Variants in RANBP2 observed in about 807,000 individuals in gnomAD.
RANBP2 encodes the protein E3 SUMO-protein ligase RanBP2.
In RANBP2, 57 loss-of-function variants were observed where a neutral mutation model predicts 303.6. The observed-to-expected ratio is 0.19, with a 90% confidence interval of 0.15 to 0.23. RANBP2 has a LOEUF of 0.23. RANBP2 is among the 10% of genes least tolerant of loss of function. The probability of loss-of-function intolerance (pLI) is 1.00; values close to 1 mark genes in which losing one functional copy is unlikely to be tolerated. For missense variants in RANBP2, 3,138 were observed against 3,780.8 expected (o/e 0.83, Z 4.46); for synonymous variants, 1,167 against 1,301.5 (o/e 0.90, Z 2.23).
the RANBP2 span, among the ~76,000 whole-genome samples, chr2:108,924,220 C>A: frequency 2.6e-5 from 4 of 152,234 alleles, no homozygotes; most frequent in African/African-American, 9.6e-5. Context: ...TGTCACAGTG[C>A]CAGCCCCGTG....
At chr2:109,098,132 T>A in the RANBP2 span, among the ~76,000 whole-genome samples, 46 of 152,302 alleles carry the variant, frequency 3.0e-4, no homozygotes, top group Non-Finnish European at 6.0e-4. Flanking sequence ...AGCACCCAAG[T>A]GGAAGGAGGT....
At chr2:108,927,716 T>C in the RANBP2 span, among the ~76,000 whole-genome samples, 2 of 152,030 alleles carry the variant, frequency 1.3e-5, no homozygotes, top group South Asian at 4.1e-4. Context: ...TGCCTGGAGG[T>C]TCAGGCCATC....
chr2:109,207,963 C>A, the RANBP2 span, among the ~76,000 whole-genome samples: 73 of 152,334 alleles, frequency 4.8e-4, no homozygotes, highest in Admixed American at 2.1e-3. Flanking sequence ...TACTCTTACA[C>A]AGTTGAGCAT....
the RANBP2 span, among the ~76,000 whole-genome samples, chr2:109,099,644 T>C: frequency 2.6e-5 from 4 of 151,892 alleles, no homozygotes; most frequent in South Asian, 8.4e-4. Flanking sequence ...TATTTCTCAC[T>C]GTTGTTGCTG....
the RANBP2 span, among the ~76,000 whole-genome samples, chr2:109,153,448 TA>T: frequency 6.6e-6 from 1 of 152,162 alleles, no homozygotes; most frequent in Non-Finnish European, 1.5e-5. Context: ...GAGAAAGAAG[TA>T]ACGAAGGTAT....
At chr2:108,936,276 T>C in the RANBP2 span, among the ~76,000 whole-genome samples, 2 of 152,240 alleles carry the variant, frequency 1.3e-5, no homozygotes, top group Non-Finnish European at 2.9e-5. Context: ...GTAGGACGGA[T>C]GTCCCTTTTG....
At chr2:109,075,048 AAG>A in the RANBP2 span, among the ~76,000 whole-genome samples, 1 of 120,560 alleles carries the variant, frequency 8.3e-6, no homozygotes, top group African/African-American at 3.1e-5. Context: ...AAAAAAAAAA[AAG>A]AAGAAGAAGA....
the RANBP2 span, among the ~76,000 whole-genome samples, chr2:109,497,280 CAG>C: frequency 4.6e-5 from 7 of 152,304 alleles, no homozygotes; most frequent in South Asian, 2.1e-4. Flanking sequence ...TCCATGGACT[CAG>C]GGGCTCATTC....
At position 108,784,313 on chromosome 2, in the gene RANBP2, G is replaced by C. The variant is rs1459449887; in HGVS notation, c.*412G>C. 5.6e-6 allele frequency: 1 copy of C among 179,904 alleles called. No homozygotes were observed. The highest frequency in any genetic ancestry group is 1.2e-5 in the Non-Finnish European group (1 of 83,956). The allele number at this position is 179,904 out of a possible 1,614,324, so 11.1% of individuals were successfully genotyped here. Reference sequence around the variant, plus strand: ...ACTTGGATAATTTAATTTTAGGTTTGAAATATATTTGGTAATCTTAACTAT... The same window carrying C: ...ACTTGGATAATTTAATTTTAGGTTTCAAATATATTTGGTAATCTTAACTAT... On this transcript the variant is annotated 3_prime_UTR_variant, in exon 29 of 29. Coordinates refer to ENST00000283195, the MANE Select transcript of RANBP2 (RefSeq NM_006267.5).
the RANBP2 span, among the ~76,000 whole-genome samples, chr2:108,992,438 G>C: frequency 5.3e-5 from 8 of 152,260 alleles, no homozygotes; most frequent in East Asian, 1.5e-3. Flanking sequence ...GTATGTGAGG[G>C]GATTATCAGT....
the RANBP2 span, among the ~76,000 whole-genome samples, chr2:109,190,177 A>ATT: frequency 1.8e-3 from 268 of 145,584 alleles, no homozygotes; most frequent in African/African-American, 5.7e-3. Context: ...TTGACATCCT[A>ATT]TTTTTTTTTT....
chr2:109,340,445 A>AC, the RANBP2 span, among the ~76,000 whole-genome samples: 8 of 152,138 alleles, frequency 5.3e-5, no homozygotes, highest in Non-Finnish European at 1.0e-4. Flanking sequence ...GAAGGTTTAC[A>AC]CCCAAGGACC....
At chr2:108,741,304 C>G (rs1178119073) in intron 7 of RANBP2, among the ~76,000 whole-genome samples, 6 of 149,374 alleles carry the variant, frequency 4.0e-5, no homozygotes, top group Admixed American at 4.0e-4. Context: ...TCAAGTGATT[C>G]TCCTGCCTCA....
the RANBP2 span, among the ~76,000 whole-genome samples, chr2:109,116,606 C>A: frequency 1.4e-4 from 22 of 152,202 alleles, no homozygotes; most frequent in African/African-American, 5.3e-4. Flanking sequence ...GTAGTTTGAT[C>A]ATCTGAAGCC....
the RANBP2 span, among the ~76,000 whole-genome samples, chr2:108,986,914 G>A: frequency 6.6e-6 from 1 of 152,174 alleles, no homozygotes; most frequent in African/African-American, 2.4e-5. Context: ...TGCTAAGTGG[G>A]CTTAATGTAA....
At chr2:109,720,019 C>A in the RANBP2 span, among the ~76,000 whole-genome samples, 1 of 152,150 alleles carries the variant, frequency 6.6e-6, no homozygotes, top group Admixed American at 6.5e-5. Flanking sequence ...ATCGGCTGCA[C>A]CTGGCTAGAT....
In RANBP2 at chr2:108,765,346, T is replaced by A. The variant is rs1215924839; in HGVS notation, c.4807T>A (p.Phe1603Ile). 1 of 1,613,516 alleles carries A rather than the reference T, an allele frequency of 6.2e-7. No individual in the cohort carries two copies. Among genetic ancestry groups the A allele is most frequent in the East Asian group, 2.2e-5 (1 of 44,832 alleles). The change falls in exon 20 of 29, where the codon TTC (phenylalanine) becomes ATC (isoleucine). Residue 1603 changes from phenylalanine (F) to isoleucine (I), a missense_variant. Transcript: ENST00000283195. ...TCCAAAGAGCGGATTTGAGGGAATG[T>A]TCACTAAGAAGGAGGGACAGTGGGA... ...KAPKSGFEGM[F>I]TKKEGQWDCS...
chr2:109,392,346 C>A, the RANBP2 span, among the ~76,000 whole-genome samples: 1 of 152,168 alleles, frequency 6.6e-6, no homozygotes, highest in African/African-American at 2.4e-5. Context: ...TGCTTGTTCA[C>A]TGTGTAACTT....
At position 108,748,275 on chromosome 2, in the gene RANBP2, TCGG is replaced by T. The variant is rs1675537311; in HGVS notation, c.1064-643_1064-641del. Reference sequence around the variant, plus strand: ...CGGGCTGGAGTGCAGTGGCGTGATCTCGGCTCACTGCAAGCTCCACCTCCTGGG... The same window carrying T: ...CGGGCTGGAGTGCAGTGGCGTGATCTCTCACTGCAAGCTCCACCTCCTGGG... On this transcript the variant is annotated intron_variant, in intron 8 of 28. Coordinates refer to ENST00000283195, the MANE Select transcript of RANBP2 (RefSeq NM_006267.5). Among the ~76,000 whole-genome samples, 5 of 151,432 alleles carry T rather than the reference TCGG, an allele frequency of 3.3e-5. No homozygotes were observed. The South Asian group carries it at 1.0e-3, about 32-fold the overall frequency.
Sources: gnomAD v4.1 joint callset for allele counts (sites outside exome capture counted in the v4.1 genomes callset) on GRCh38, gnomAD v4.1.1 for gene constraint, MANE v1.5 for transcripts, NCBI Gene and HGNC (gene_info 2026-07-23, HGNC 2026-07-21) for gene names.